The following ALDH7A1 variants were observed in gnomAD, a reference collection of about 807,000 sequenced individuals.
ALDH7A1 encodes aldehyde dehydrogenase 7 family member A1.
ALDH7A1 carries 63 observed loss-of-function variants against 79.9 expected under a neutral mutation model. That is an observed-to-expected ratio of 0.79 (90% CI 0.64 to 0.97). The LOEUF is 0.97. Ranked by LOEUF, ALDH7A1 falls within the 50% of genes least tolerant of loss-of-function variation. The pLI is 0.00. For synonymous variants in ALDH7A1, 240 were observed against 231.2 expected, an observed-to-expected ratio of 1.04 and a Z score of -0.34; for missense variants, 627 against 665.2, an observed-to-expected ratio of 0.94 and a Z score of 0.63.
At chr5:126,559,422 T>G (rs544144851) in intron 10 of ALDH7A1, 88 bp from the exon 11 acceptor site, 222 of 1,009,146 alleles carry the variant, frequency 2.2e-4, no homozygotes, top group African/African-American at 1.5e-3. Context: ...TTGTTTTTTG[T>G]TTTTGGTTTT....
At chr5:126,590,024 C>A (rs1751497992) in intron 3 of ALDH7A1, among the ~76,000 whole-genome samples, 1 of 136,480 alleles carries the variant, frequency 7.3e-6, no homozygotes, top group African/African-American at 3.2e-5. Flanking sequence ...GTGAGGAGTG[C>A]CTCTGCCCAG....
chr5:126,567,668 T>G (rs1025917712), intron 9 of ALDH7A1: 2 of 153,850 alleles, frequency 1.3e-5, no homozygotes, highest in East Asian at 3.8e-4. Context: ...GAGACGGGGT[T>G]TCACCATCTT....
At chr5:126,570,638 C>A in intron 8 of ALDH7A1, 144 bp downstream of exon 8, 1 of 822,472 alleles carries the variant, frequency 1.2e-6, no homozygotes, top group Non-Finnish European at 2.1e-6. Flanking sequence ...AAAATAAGAA[C>A]CCAACAAAGT....
intron 11 of ALDH7A1, among the ~76,000 whole-genome samples, chr5:126,557,329 G>A (rs1750229151): frequency 6.6e-6 from 1 of 152,208 alleles, no homozygotes; most frequent in Admixed American, 6.5e-5. Flanking sequence ...GCTCACACCT[G>A]TAATTTCAGC....
intron 9 of ALDH7A1, among the ~76,000 whole-genome samples, chr5:126,565,677 C>T (rs931163327): frequency 3.9e-5 from 6 of 152,178 alleles, no homozygotes; most frequent in Non-Finnish European, 7.3e-5. Flanking sequence ...AAGAAACCAT[C>T]GCCTAATCCA....
intron 3 of ALDH7A1, among the ~76,000 whole-genome samples, chr5:126,590,588 TA>T (rs1257810031): frequency 6.6e-6 from 1 of 151,878 alleles, no homozygotes; most frequent in East Asian, 1.9e-4. Context: ...AACAACAATT[TA>T]AAAAAAATTA....
intron 7 of ALDH7A1, among the ~76,000 whole-genome samples, chr5:126,572,284 G>C (rs970149802): frequency 1.1e-4 from 17 of 152,084 alleles, no homozygotes; most frequent in Admixed American, 3.9e-4. Context: ...TTCCAATCCA[G>C]GATCCAATCA....
At chr5:126,557,144 G>A (rs1034046559) in intron 11 of ALDH7A1, among the ~76,000 whole-genome samples, 2 of 152,094 alleles carry the variant, frequency 1.3e-5, no homozygotes, top group Non-Finnish European at 2.9e-5. Context: ...TAGCTTTAAC[G>A]TAATCTTTAA....
chr5:126,583,770 G>T (rs944407036), intron 4 of ALDH7A1, among the ~76,000 whole-genome samples, 162 bp downstream of exon 4: 2 of 151,686 alleles, frequency 1.3e-5, no homozygotes, highest in Non-Finnish European at 2.9e-5. Context: ...AACATGGGAG[G>T]CAGAGGCTGC....
intron 3 of ALDH7A1, chr5:126,591,912 G>C (rs909555597): frequency 1.3e-5 from 2 of 153,780 alleles, no homozygotes; most frequent in African/African-American, 4.9e-5. Context: ...CTGAGAAAGG[G>C]ATGCTGCCAC....
chr5:126,591,382 G>T (rs1379245175), intron 3 of ALDH7A1, among the ~76,000 whole-genome samples: 1 of 151,734 alleles, frequency 6.6e-6, no homozygotes, highest in Admixed American at 6.6e-5. Context: ...ACGTATCTTG[G>T]CTGATAAAAA....
At chr5:126,591,283 T>C (rs1253894697) in intron 3 of ALDH7A1, among the ~76,000 whole-genome samples, 1 of 152,186 alleles carries the variant, frequency 6.6e-6, no homozygotes. Context: ...TGCCCAAGGA[T>C]ACTTTTGATT....
chr5:126,550,236 T>A lies in ALDH7A1; in HGVS notation c.1375A>T (p.Ile459Phe), dbSNP rs186558364. Residue 459 changes from isoleucine (I) to phenylalanine (F), a missense_variant, in exon 15 of 18, where the codon ATC (isoleucine) becomes TTC (phenylalanine). By Grantham distance (21) the Ile-to-Phe change is conservative (BLOSUM62 0). Transcript: ENST00000409134. ...ATTCTGCCCAGATCTTTGGTAAAGA[T>A]GCTACTTGAAAGTCCCTGTTTTACT... is the stretch of plus-strand genomic sequence containing the variant. Reference protein sequence around the residue: ...NEVKQGLSSSIFTKDLGRIFR... With the variant: ...NEVKQGLSSSFFTKDLGRIFR... 12 of 1,613,602 alleles carry A rather than the reference T, an allele frequency of 7.4e-6. No individual in the cohort carries two copies. Among genetic ancestry groups the A allele is most frequent in the Non-Finnish European group, 1.0e-5 (12 of 1,179,986 alleles).
chr5:126,570,980 T>C, intron 7 of ALDH7A1, 121 bp from the exon 8 acceptor site: 1 of 927,874 alleles, frequency 1.1e-6, no homozygotes, highest in Non-Finnish European at 1.7e-6. Context: ...TCAAATATAC[T>C]ACTCTCTTGC....
chr5:126,594,239 C>T (rs746488748), intron 1 of ALDH7A1: 2 of 471,046 alleles, frequency 4.2e-6, no homozygotes. Context: ...TACAACATGG[C>T]AAGATTTCGG....
At chr5:126,558,863 T>C (rs1288472453) in intron 11 of ALDH7A1, among the ~76,000 whole-genome samples, 2 of 152,252 alleles carry the variant, frequency 1.3e-5, no homozygotes, top group African/African-American at 4.8e-5. Flanking sequence ...AAAATGTTTT[T>C]ATAAAAGTGC....
intron 8 of ALDH7A1, chr5:126,569,582 A>G (rs1298379635): frequency 6.6e-6 from 1 of 152,226 alleles, no homozygotes; most frequent in Non-Finnish European, 1.5e-5. Context: ...CATGAGCACT[A>G]ATACTCAAAG....
chr5:126,546,197 G>A (rs1749780571), intron 17 of ALDH7A1, 127 bp downstream of exon 17: 5 of 858,776 alleles, frequency 5.8e-6, no homozygotes, highest in Non-Finnish European at 9.9e-6. Context: ...AGAGGAGACA[G>A]CTGTGGAATG....
At chr5:126,589,942 G>T (rs1012272366) in intron 3 of ALDH7A1, among the ~76,000 whole-genome samples, 3 of 146,796 alleles carry the variant, frequency 2.0e-5, no homozygotes, top group African/African-American at 7.6e-5. Context: ...GAAGCGAGGA[G>T]TGCCTCTGCC....
Sources: allele counts gnomAD v4.1 joint callset (sites outside exome capture counted in the v4.1 genomes callset), GRCh38; gene constraint gnomAD v4.1.1; transcripts MANE v1.5; gene names NCBI Gene and HGNC (gene_info 2026-07-23, HGNC 2026-07-21).